AK5: variants seen among roughly 807,000 people sequenced by gnomAD.
AK5 encodes adenylate kinase isoenzyme 5.
AK5 carries 27 observed loss-of-function variants against 69.5 expected under a neutral mutation model. The ratio of observed to expected loss-of-function variants is 0.39; its 90% CI spans 0.29 to 0.54. The LOEUF is 0.54. AK5 is among the 20% of genes least tolerant of loss of function. The probability of loss-of-function intolerance (pLI) is 0.71; values close to 1 mark genes in which losing one functional copy is unlikely to be tolerated. For synonymous variants in AK5, 260 were observed against 244.4 expected (o/e 1.06, Z -0.60); for missense variants, 531 against 700.4 (o/e 0.76, Z 2.73).
At chr1:77,367,449 A>G in intron 6 of AK5, among the ~76,000 whole-genome samples, 1 of 52,214 alleles carries the variant, frequency 1.9e-5, no homozygotes, top group East Asian at 8.4e-4. Context: ...CAGTTTCCCA[A>G]GTAGCTAGGC....
intron 5 of AK5, among the ~76,000 whole-genome samples, chr1:77,298,763 G>A (rs962372064): frequency 1.1e-4 from 17 of 152,144 alleles, no homozygotes; most frequent in Middle Eastern, 3.4e-3. Flanking sequence ...CTGAGCCCAG[G>A]ACATCAAGGC....
chr1:77,526,328 C>T (rs1433238442), intron 12 of AK5, among the ~76,000 whole-genome samples: 1 of 152,072 alleles, frequency 6.6e-6, no homozygotes, highest in East Asian at 1.9e-4. Flanking sequence ...TGTGTAATAA[C>T]TGCTGCAGGG....
intron 5 of AK5, among the ~76,000 whole-genome samples, chr1:77,328,749 A>G (rs1490471347): frequency 6.6e-6 from 1 of 152,238 alleles, no homozygotes; most frequent in African/African-American, 2.4e-5. Flanking sequence ...CTTATTTACT[A>G]AAGTAGTAGA....
At position 77,297,857 on chromosome 1, in the gene AK5, A is replaced by G. The variant is rs1167206; in HGVS notation, c.609A>G (p.Lys203=). 4,204 of 1,612,672 alleles carry G rather than the reference A, an allele frequency of 2.6e-3. 99 individuals are homozygous for G. In the African/African-American group the frequency reaches 0.05, roughly 19 times the overall value. Residue 203 remains lysine, a synonymous_variant, in exon 5 of 14, where the codon AAA becomes AAG. Transcript: ENST00000354567. ...AGGAAACAACAATTACAGAGATAAA[A>G]CAAAAATTGATGCAAATACCTGATG... ...APQETTITEI[K]QKLMQIPDEE...
intron 5 of AK5, among the ~76,000 whole-genome samples, chr1:77,321,780 A>T (rs1476232898): frequency 2.0e-5 from 3 of 152,180 alleles, no homozygotes; most frequent in Non-Finnish European, 4.4e-5. Context: ...AGAAGTTCTA[A>T]ATAGTGCTCT....
chr1:77,478,559 C>T (rs912996473), intron 8 of AK5, among the ~76,000 whole-genome samples: 9 of 152,128 alleles, frequency 5.9e-5, no homozygotes, highest in Non-Finnish European at 7.4e-5. Flanking sequence ...TCCATTAAAC[C>T]TCTTTCCTTT....
intron 8 of AK5, among the ~76,000 whole-genome samples, chr1:77,470,216 C>A (rs945569976): frequency 6.6e-6 from 1 of 152,138 alleles, no homozygotes; most frequent in Non-Finnish European, 1.5e-5. Context: ...ATAAATAATG[C>A]ATCCCTGGCC....
At position 77,366,877 on chromosome 1, in the gene AK5, C is replaced by A. The variant is rs376260558; in HGVS notation, c.891+26309C>A. On this transcript the variant is annotated intron_variant, in intron 6 of 13. Transcript: ENST00000354567. ...AAAATTCGCTTTTAACTTATATATA[C>A]CTTAAGCAGAAGACTTAGTATTTTT... 6.0e-5 allele frequency among the ~76,000 whole-genome samples: 9 copies of A among 148,812 alleles called. No individual in the cohort carries two copies. The East Asian group carries it at 7.9e-4, about 13-fold the overall frequency.
At chr1:77,412,631 C>T (rs892882230) in intron 7 of AK5, among the ~76,000 whole-genome samples, 1 of 152,138 alleles carries the variant, frequency 6.6e-6, no homozygotes, top group Non-Finnish European at 1.5e-5. Flanking sequence ...AATCTCCTGG[C>T]TTATAAATGT....
chr1:77,496,539 G>T (rs1410253918), intron 10 of AK5, among the ~76,000 whole-genome samples: 2 of 152,164 alleles, frequency 1.3e-5, no homozygotes, highest in Non-Finnish European at 2.9e-5. Context: ...GGTGAAAAAA[G>T]AAAAGCAGAT....
intron 13 of AK5, among the ~76,000 whole-genome samples, chr1:77,541,983 G>A (rs1420744464): frequency 1.3e-5 from 2 of 152,014 alleles, no homozygotes; most frequent in African/African-American, 2.4e-5. Flanking sequence ...TGTGGGACAC[G>A]ACACTTGGTG....
intron 8 of AK5, among the ~76,000 whole-genome samples, chr1:77,457,662 CTGTT>C (rs1435120643): frequency 1.4e-5 from 2 of 146,282 alleles, no homozygotes; most frequent in Non-Finnish European, 3.1e-5. Flanking sequence ...TTTTCTTTGT[CTGTT>C]GCATTATTTT....
At chr1:77,444,258 GTATATATATAGTATATATA>G (rs1652542912) in intron 8 of AK5, among the ~76,000 whole-genome samples, 2 of 36,628 alleles carry the variant, frequency 5.5e-5, no homozygotes, top group Non-Finnish European at 1.0e-4. Flanking sequence ...CAACATATGT[GTATATATATAGTATATATA>G]CACAACATAT....
intron 8 of AK5, among the ~76,000 whole-genome samples, chr1:77,418,119 A>T (rs1650550738): frequency 6.6e-6 from 1 of 152,208 alleles, no homozygotes; most frequent in African/African-American, 2.4e-5. Context: ...GCTGATAAAG[A>T]CATACCCAAG....
chr1:77,445,800 G>C (rs774226891), intron 8 of AK5, among the ~76,000 whole-genome samples: 5 of 152,120 alleles, frequency 3.3e-5, no homozygotes, highest in Non-Finnish European at 5.9e-5. Context: ...GGCCAGGCTG[G>C]TCTTGAACTC....
intron 6 of AK5, among the ~76,000 whole-genome samples, chr1:77,350,348 C>T (rs1412564730): frequency 1.3e-5 from 2 of 152,172 alleles, no homozygotes; most frequent in Admixed American, 6.5e-5. Context: ...TCATGATAAG[C>T]AGACACGTGT....
At position 77,531,926 on chromosome 1, in the gene AK5, C is replaced by G. The variant is rs913341194; in HGVS notation, c.1429-3921C>G. Among the ~76,000 whole-genome samples the G allele has an allele frequency of 2.0e-5, 3 of 151,322 alleles. No homozygotes were observed. In the South Asian group the frequency reaches 6.3e-4, roughly 32 times the overall value. On this transcript the variant is annotated intron_variant, in intron 12 of 13. Transcript: ENST00000354567. ...GCCCCGCGGGGAGGCAGCTAAGGCC[C>G]GGCGAGAAATCGAGCACAGCAGCTG...
chr1:77,529,812 A>G (rs1366020676), intron 12 of AK5, among the ~76,000 whole-genome samples: 1 of 152,248 alleles, frequency 6.6e-6, no homozygotes, highest in East Asian at 1.9e-4. Flanking sequence ...AGTCATATTA[A>G]CAGAAATCAT....
In AK5 at chr1:77,557,669, C is replaced by A. The variant is rs891225939; in HGVS notation, c.1621-933C>A. On this transcript the variant is annotated intron_variant, in intron 13 of 13. Coordinates refer to ENST00000354567, the MANE Select transcript of AK5 (RefSeq NM_174858.3). ...CTCCACATCTCTCTCCCTCATCCCT[C>A]AATCTCTCCCCTATTCCCAAATGCT... Among the ~76,000 whole-genome samples the A allele has an allele frequency of 5.3e-5, 8 of 152,160 alleles. No individual in the cohort carries two copies. In the East Asian group the frequency reaches 1.5e-3, roughly 29 times the overall value.
Sources: allele counts gnomAD v4.1 joint callset (sites outside exome capture counted in the v4.1 genomes callset), GRCh38; gene constraint gnomAD v4.1.1; transcripts MANE v1.5; gene names NCBI Gene and HGNC (gene_info 2026-07-23, HGNC 2026-07-21).